The following TRMT11 variants were observed in gnomAD, a reference collection of about 807,000 sequenced individuals.
TRMT11 encodes the protein tRNA methyltransferase 11.
A neutral mutation model predicts 62.8 loss-of-function variants in TRMT11; 53 were observed. The ratio of observed to expected loss-of-function variants is 0.84; its 90% CI spans 0.68 to 1.06. The LOEUF is 1.06. Among genes scored for constraint, TRMT11 ranks in the 50% least tolerant of loss-of-function variants. TRMT11 has a pLI of 0.00. For synonymous variants in TRMT11, 188 were observed against 190.3 expected, an observed-to-expected ratio of 0.99 and a Z score of 0.10; for missense variants, 556 against 553.4, an observed-to-expected ratio of 1.00 and a Z score of -0.05.
intron 16 of TRMT11, among the ~76,000 whole-genome samples, chr6:126,048,898 C>A (rs1369276195): frequency 6.6e-6 from 1 of 152,176 alleles, no homozygotes; most frequent in East Asian, 1.9e-4. Flanking sequence ...GCTTGCTGTT[C>A]CAGTGCAATC....
intron 21 of TRMT11, among the ~76,000 whole-genome samples, chr6:126,135,883 A>C (rs1164782539): frequency 1.3e-5 from 2 of 151,944 alleles, no homozygotes; most frequent in Non-Finnish European, 2.9e-5. Context: ...CAAGGACAAA[A>C]TCCATGTGAT....
intron 1 of TRMT11, among the ~76,000 whole-genome samples, chr6:126,198,005 C>T (rs1474205113): frequency 6.6e-6 from 1 of 152,136 alleles, no homozygotes; most frequent in Non-Finnish European, 1.5e-5. Context: ...CCTTATCAGT[C>T]AACTTGATCT....
chr6:126,018,330 A>G (rs576562253), intron 11 of TRMT11, among the ~76,000 whole-genome samples: 1 of 152,166 alleles, frequency 6.6e-6, no homozygotes, highest in African/African-American at 2.4e-5. Flanking sequence ...ATGTTCAATC[A>G]ATGCAAAATC....
chr6:126,118,033 G>C (rs1451128655), intron 21 of TRMT11, among the ~76,000 whole-genome samples: 2 of 152,104 alleles, frequency 1.3e-5, no homozygotes, highest in African/African-American at 4.8e-5. Context: ...CAGAGGATTT[G>C]ATTATTGAGT....
At chr6:126,061,859 C>T (rs1776545215) in intron 17 of TRMT11, among the ~76,000 whole-genome samples, 1 of 152,104 alleles carries the variant, frequency 6.6e-6, no homozygotes, top group East Asian at 1.9e-4. Context: ...GGCTCTTCAG[C>T]TTTTCCTTTA....
At chr6:126,080,917 C>G (rs1452014841) in intron 17 of TRMT11, among the ~76,000 whole-genome samples, 5 of 152,136 alleles carry the variant, frequency 3.3e-5, no homozygotes, top group African/African-American at 1.2e-4. Context: ...GGTTTAGAGC[C>G]ATTATGGTAA....
At chr6:126,179,166 G>A (rs1778427043) in intron 1 of TRMT11, among the ~76,000 whole-genome samples, 1 of 152,090 alleles carries the variant, frequency 6.6e-6, no homozygotes, top group African/African-American at 2.4e-5. Flanking sequence ...AGAAGAAATT[G>A]TGTCACTTCT....
the TRMT11 span, among the ~76,000 whole-genome samples, chr6:126,256,617 A>G: frequency 6.6e-6 from 1 of 152,218 alleles, no homozygotes; most frequent in East Asian, 1.9e-4. Flanking sequence ...TGGAAGAGGA[A>G]TAAGAAAAGT....
chr6:126,105,876 G>A (rs1488612035), intron 17 of TRMT11, among the ~76,000 whole-genome samples: 3 of 152,080 alleles, frequency 2.0e-5, no homozygotes, highest in East Asian at 3.9e-4. Flanking sequence ...TAACTTTGAG[G>A]CCCTGGCTCC....
At chr6:126,252,195 G>C in the TRMT11 span, among the ~76,000 whole-genome samples, 5 of 152,198 alleles carry the variant, frequency 3.3e-5, no homozygotes, top group African/African-American at 9.7e-5. Flanking sequence ...AAAATAGCTG[G>C]GTGACTCCAG....
chr6:126,095,539 T>C (rs1437497795), intron 17 of TRMT11, among the ~76,000 whole-genome samples: 1 of 152,224 alleles, frequency 6.6e-6, no homozygotes, highest in Non-Finnish European at 1.5e-5. Flanking sequence ...AATTTGGCTT[T>C]CAATGTAGAT....
intron 2 of TRMT11, among the ~76,000 whole-genome samples, chr6:125,994,953 AAAC>A (rs1485946318): frequency 6.6e-6 from 1 of 152,170 alleles, no homozygotes; most frequent in Non-Finnish European, 1.5e-5. Context: ...ATGTCCAGGG[AAAC>A]AACACACACT....
intron 7 of TRMT11, among the ~76,000 whole-genome samples, chr6:126,007,387 C>T (rs565826191): frequency 1.1e-4 from 16 of 151,828 alleles, no homozygotes; most frequent in African/African-American, 3.6e-4. Context: ...GAAAGAGCCC[C>T]AGTATTTTTT....
At chr6:126,157,219 C>T (rs1050827459) in intron 21 of TRMT11, among the ~76,000 whole-genome samples, 42 of 152,324 alleles carry the variant, frequency 2.8e-4, no homozygotes, top group Middle Eastern at 3.4e-3. Flanking sequence ...CTTCTTCTTT[C>T]TGCCAGCATA....
chr6:126,196,495 T>C (rs1778667894), intron 1 of TRMT11, among the ~76,000 whole-genome samples: 1 of 152,064 alleles, frequency 6.6e-6, no homozygotes, highest in Non-Finnish European at 1.5e-5. Flanking sequence ...TATTAATAAT[T>C]TTTAATAATT....
the TRMT11 span, among the ~76,000 whole-genome samples, chr6:126,257,356 G>A: frequency 6.6e-6 from 1 of 151,950 alleles, no homozygotes; most frequent in East Asian, 1.9e-4. Flanking sequence ...ATCTGACTTT[G>A]TCATTGTAAA....
chr6:126,241,873 C>G, the TRMT11 span, among the ~76,000 whole-genome samples: 2 of 152,172 alleles, frequency 1.3e-5, no homozygotes, highest in African/African-American at 4.8e-5. Context: ...AAAACTGGCA[C>G]AAGACAGGGA....
At chr6:126,060,888 A>G (rs1290081780) in intron 17 of TRMT11, among the ~76,000 whole-genome samples, 2 of 152,228 alleles carry the variant, frequency 1.3e-5, no homozygotes, top group Non-Finnish European at 2.9e-5. Flanking sequence ...TGCATTGTTT[A>G]TGTAGTTTCT....
At chr6:126,247,922 A>G in the TRMT11 span, among the ~76,000 whole-genome samples, 2 of 152,112 alleles carry the variant, frequency 1.3e-5, no homozygotes, top group African/African-American at 2.4e-5. Context: ...AGAGCATACA[A>G]TTGAAGTAGA....
Sources: allele counts gnomAD v4.1 joint callset (sites outside exome capture counted in the v4.1 genomes callset), GRCh38; gene constraint gnomAD v4.1.1; transcripts MANE v1.5; gene names NCBI Gene and HGNC (gene_info 2026-07-23, HGNC 2026-07-21).